The following NUB1 variants were observed in gnomAD, a reference collection of about 807,000 sequenced individuals.
The protein encoded by NUB1 is NEDD8 ultimate buster 1.
NUB1 carries 41 observed loss-of-function variants against 77.1 expected under a neutral mutation model. The observed-to-expected ratio is 0.53, with a 90% CI of 0.41 to 0.69. The LOEUF (loss-of-function observed/expected upper bound fraction) is 0.69. NUB1 is among the 30% of genes least tolerant of loss of function. The probability of loss-of-function intolerance (pLI) is 0.00; values close to 1 mark genes in which losing one functional copy is unlikely to be tolerated. For missense variants in NUB1, 643 were observed against 743.8 expected, an observed-to-expected ratio of 0.86 and a Z score of 1.58; for synonymous variants, 257 against 281.0, an observed-to-expected ratio of 0.91 and a Z score of 0.85.
At chr7:151,344,871 A>C (rs528808624) in intron 1 of NUB1, among the ~76,000 whole-genome samples, 1 of 151,932 alleles carries the variant, frequency 6.6e-6, no homozygotes, top group Admixed American at 6.6e-5. Flanking sequence ...GTGGTGGCGC[A>C]TGCCTGTAAT....
chr7:151,356,864 T>C (rs1687343704), intron 7 of NUB1, among the ~76,000 whole-genome samples: 1 of 151,844 alleles, frequency 6.6e-6, no homozygotes, highest in Non-Finnish European at 1.5e-5. Flanking sequence ...ATTACAGGCA[T>C]GTGCCACCAC....
chr7:151,359,732 G>A (rs1797280621), intron 7 of NUB1, among the ~76,000 whole-genome samples: 1 of 152,124 alleles, frequency 6.6e-6, no homozygotes, highest in Non-Finnish European at 1.5e-5. Context: ...ACCCGAGATC[G>A]CACCACTGCC....
chr7:151,366,852 A>C, intron 8 of NUB1, 87 bp from the exon 9 acceptor site: 1 of 1,047,002 alleles, frequency 9.6e-7, no homozygotes, highest in East Asian at 2.7e-5. Flanking sequence ...ACGGGGAAAG[A>C]ATTCCAGTCA....
At chr7:151,367,727 C>G (rs1797761674) in intron 9 of NUB1, 134 bp from the exon 10 acceptor site, 1 of 605,656 alleles carries the variant, frequency 1.7e-6, no homozygotes, top group Non-Finnish European at 2.9e-6. Flanking sequence ...TGCCGTCAGT[C>G]ATAGTGAAGC....
intron 8 of NUB1, among the ~76,000 whole-genome samples, chr7:151,365,160 C>G (rs1797609843): frequency 6.6e-6 from 1 of 151,946 alleles, no homozygotes; most frequent in African/African-American, 2.4e-5. Flanking sequence ...TAAGAAACCA[C>G]TTTGCCCCAA....
chr7:151,367,988 A>C lies in NUB1; in HGVS notation c.1095+20A>C, dbSNP rs750217394. The C allele has an allele frequency of 7.1e-6, 10 of 1,413,806 alleles. No homozygotes were observed. The highest frequency in any genetic ancestry group is 1.9e-4 in the Middle Eastern group (1 of 5,316). 87.6% of individuals were successfully genotyped at this position (1,413,806 alleles called of 1,614,324 possible). On this transcript the variant is annotated intron_variant, in intron 10 of 14. Transcript: ENST00000568733. ...AACAAGGTAAGAAAAGTAAAGTTGT[A>C]ACCAATTTTCACCTCCTTTTAAAAA...
intron 1 of NUB1, 129 bp from the exon 2 acceptor site, chr7:151,345,219 T>C (rs1796448205): frequency 3.4e-6 from 2 of 586,490 alleles, no homozygotes; most frequent in African/African-American, 1.9e-5. Context: ...ATTTAAACCA[T>C]AGTAATTTAT....
At chr7:151,348,208 T>C (rs1232990484) in intron 2 of NUB1, among the ~76,000 whole-genome samples, 1 of 152,234 alleles carries the variant, frequency 6.6e-6, no homozygotes, top group Non-Finnish European at 1.5e-5. Context: ...CAGTAATAAC[T>C]GGTTCCCATC....
chr7:151,365,844 C>T (rs1381520731), intron 8 of NUB1, among the ~76,000 whole-genome samples: 1 of 152,010 alleles, frequency 6.6e-6, no homozygotes, highest in Non-Finnish European at 1.5e-5. Flanking sequence ...CATGGGCCCT[C>T]TTTAGGAGAC....
At chr7:151,370,229 G>T (rs1038733897) in intron 11 of NUB1, among the ~76,000 whole-genome samples, 1 of 152,024 alleles carries the variant, frequency 6.6e-6, no homozygotes, top group Non-Finnish European at 1.5e-5. Context: ...TGGAATTACA[G>T]GTGCCCACCA....
chr7:151,368,967 G>C, intron 11 of NUB1, 80 bp downstream of exon 11: 4 of 1,398,636 alleles, frequency 2.9e-6, no homozygotes, highest in South Asian at 3.1e-5. Flanking sequence ...TTAATAACCA[G>C]GAACTCTTTA....
At chr7:151,373,844 AGGCACCTCCTTCCTGCCCCACG>A (rs562919407) in intron 11 of NUB1, among the ~76,000 whole-genome samples, 104 of 152,272 alleles carry the variant, frequency 6.8e-4, no homozygotes, top group African/African-American at 2.4e-3. Flanking sequence ...GGGGCTGGCG[AGGCACCTCCTTCCTGCCCCACG>A]GGCATCTCAC....
chr7:151,352,921 A>G, intron 5 of NUB1, 39 bp downstream of exon 5: 2 of 1,064,472 alleles, frequency 1.9e-6, no homozygotes, highest in South Asian at 3.0e-5. Context: ...TTAATGAACC[A>G]AATATAGAAA....
In NUB1 at chr7:151,377,454, C is replaced by G. The variant is rs973412236; in HGVS notation, c.*229C>G. ...AGGCCGTTCCATCTGCCTCCCAGGT[C>G]TGCGTCCCTAACCCCTTCCCCAGCT... On this transcript the variant is annotated 3_prime_UTR_variant, in exon 15 of 15. Transcript: ENST00000568733. 1.1e-5 allele frequency: 4 copies of G among 380,346 alleles called. No homozygotes were observed. The highest frequency in any genetic ancestry group is 8.3e-5 in the African/African-American group (4 of 47,906). 23.6% of individuals were successfully genotyped at this position (380,346 alleles called of 1,614,324 possible). A position where few individuals can be genotyped will look rare whatever the true frequency, so the allele number is the denominator to read the frequency against.
In NUB1 at chr7:151,377,028, C is replaced by T. The variant is rs779045942; in HGVS notation, c.1670-19C>T. On this transcript the variant is annotated intron_variant, in intron 14 of 14. Coordinates refer to ENST00000568733, the MANE Select transcript of NUB1 (RefSeq NM_001243351.2). Reference sequence around the variant, plus strand: ...CAATCCTCACATAATTCACTTACTCCTGCGGTATTTTATTGTAGGAACCTC... The same window carrying T: ...CAATCCTCACATAATTCACTTACTCTTGCGGTATTTTATTGTAGGAACCTC... The T allele has an allele frequency of 5.3e-6, 8 of 1,523,372 alleles. No homozygotes were observed. In the South Asian group the frequency reaches 9.0e-5, roughly 17 times the overall value. The allele number at this position is 1,523,372 out of a possible 1,614,324, so 94.4% of individuals were successfully genotyped here.
intron 12 of NUB1, 182 bp downstream of exon 12, chr7:151,374,425 G>GC (rs1264864986): frequency 2.0e-5 from 16 of 786,132 alleles, no homozygotes; most frequent in African/African-American, 1.4e-4. Flanking sequence ...GCCACGTGAG[G>GC]CCCCATGCTC....
At chr7:151,368,070 C>T in intron 10 of NUB1, 102 bp downstream of exon 10, 1 of 673,716 alleles carries the variant, frequency 1.5e-6, no homozygotes, top group South Asian at 1.9e-5. Flanking sequence ...GAGAAACATG[C>T]CTGTGCTTTC....
intron 12 of NUB1, 117 bp from the exon 13 acceptor site, chr7:151,375,731 C>T: frequency 1.5e-6 from 1 of 688,420 alleles, no homozygotes; most frequent in South Asian, 1.6e-5. Flanking sequence ...GCCCCTTTCT[C>T]TGCCTCATAG....
intron 2 of NUB1, 29 bp downstream of exon 2, chr7:151,345,495 A>G (rs775742048): frequency 8.9e-7 from 1 of 1,119,948 alleles, no homozygotes; most frequent in South Asian, 1.4e-5. Flanking sequence ...ATCAATAATT[A>G]GCAGCATTAT....
Sources: gnomAD v4.1 joint callset for allele counts (sites outside exome capture counted in the v4.1 genomes callset) on GRCh38, gnomAD v4.1.1 for gene constraint, MANE v1.5 for transcripts, NCBI Gene and HGNC (gene_info 2026-07-23, HGNC 2026-07-21) for gene names.